Variants in WNK2 observed in about 807,000 individuals in gnomAD.
WNK2 encodes the protein WNK lysine deficient protein kinase 2.
In WNK2, 67 loss-of-function variants were observed where a neutral mutation model predicts 192.1. That is an observed-to-expected ratio of 0.35 (90% CI 0.29 to 0.43). The LOEUF (loss-of-function observed/expected upper bound fraction) is 0.43, where lower values mean the gene tolerates loss of function less well. Ranked by LOEUF, WNK2 falls within the 20% of genes least tolerant of loss-of-function variation. The pLI is 1.00. For missense variants in WNK2, 2,698 were observed against 3,089.7 expected, an observed-to-expected ratio of 0.87 and a Z score of 3.01; for synonymous variants, 1,439 against 1,393.9, an observed-to-expected ratio of 1.03 and a Z score of -0.72.
intron 23 of WNK2, 145 bp from the exon 24 acceptor site, chr9:93,297,708 G>A (rs574358716): frequency 1.6e-4 from 120 of 766,820 alleles, no homozygotes; most frequent in Non-Finnish European, 2.3e-4. Context: ...CCTGTGTGCC[G>A]CTTTAGAGTG....
intron 19 of WNK2, among the ~76,000 whole-genome samples, chr9:93,286,802 T>G (rs2133743108): frequency 6.6e-6 from 1 of 152,334 alleles, no homozygotes; most frequent in Admixed American, 6.5e-5. Context: ...ATGTGATATG[T>G]TTGCACAGTG....
At chr9:93,295,956 T>C (rs1368140068) in intron 23 of WNK2, among the ~76,000 whole-genome samples, 1 of 123,770 alleles carries the variant, frequency 8.1e-6, no homozygotes, top group Non-Finnish European at 1.7e-5. Flanking sequence ...CTCACTTTCC[T>C]CCTCTCTCCA....
At position 93,302,911 on chromosome 9, in the gene WNK2, C is replaced by T. The variant is rs374014714; in HGVS notation, c.6214+2762C>T. On this transcript the variant is annotated intron_variant, in intron 26 of 29. Transcript: ENST00000427277. ...TGGGGAGCTCACATGACCCAGTGCC[C>T]CAGAGCAGTCTCCCTTTTTTTTTTT... Among the ~76,000 whole-genome samples the T allele has an allele frequency of 3.0e-4, 42 of 138,932 alleles. No individual in the cohort carries two copies. In the East Asian group the frequency reaches 3.4e-3, roughly 11 times the overall value. The allele number at this position is 138,932 out of a possible 152,430, so 91.1% of individuals were successfully genotyped here.
chr9:93,215,390 G>A (rs752292224), intron 2 of WNK2, among the ~76,000 whole-genome samples: 112 of 152,222 alleles, frequency 7.4e-4, no homozygotes, highest in Non-Finnish European at 9.6e-4. Flanking sequence ...GATTACAGGC[G>A]CATGAGCCAC....
At chr9:93,188,230 C>T (rs1829702768) in intron 2 of WNK2, among the ~76,000 whole-genome samples, 1 of 152,198 alleles carries the variant, frequency 6.6e-6, no homozygotes, top group African/African-American at 2.4e-5. Context: ...CCTTTCTGCC[C>T]TCCACAGGCT....
At position 93,252,653 on chromosome 9, in the gene WNK2, C is replaced by T. The variant is rs72743426; in HGVS notation, c.1835-230C>T. On this transcript the variant is annotated intron_variant, in intron 8 of 29. Transcript: ENST00000427277. ...TGTGGGAGGATTGGCACGATGTACCCGCCCTGACATCATGCTGGCCAGACA... is the reference window on the plus strand; with the variant it reads ...TGTGGGAGGATTGGCACGATGTACCTGCCCTGACATCATGCTGGCCAGACA... 8.8e-3 allele frequency among the ~76,000 whole-genome samples: 1,340 copies of T among 152,300 alleles called. 19 individuals are homozygous for T. The highest frequency in any genetic ancestry group is 0.013 in the Non-Finnish European group (882 of 68,030).
intron 9 of WNK2, among the ~76,000 whole-genome samples, chr9:93,253,358 A>G (rs1842857256): frequency 6.6e-6 from 1 of 151,532 alleles, no homozygotes; most frequent in Non-Finnish European, 1.5e-5. Flanking sequence ...AAGACACCCT[A>G]TTGGAAAACA....
At chr9:93,280,728 T>C (rs891618221) in intron 19 of WNK2, among the ~76,000 whole-genome samples, 2 of 152,214 alleles carry the variant, frequency 1.3e-5, no homozygotes, top group African/African-American at 4.8e-5. Context: ...TCTTCAGCAC[T>C]GTGAGGACAG....
chr9:93,255,148 A>G (rs1231146320), intron 9 of WNK2, among the ~76,000 whole-genome samples: 1 of 152,200 alleles, frequency 6.6e-6, no homozygotes, highest in Non-Finnish European at 1.5e-5. Flanking sequence ...CAACTTACTC[A>G]AAAAGGATGA....
chr9:93,261,907 C>G lies in WNK2; in HGVS notation c.3160C>G (p.Leu1054Val), dbSNP rs775192714. 2 of 1,606,734 alleles carry G rather than the reference C, an allele frequency of 1.2e-6. No individual in the cohort carries two copies. The highest frequency in any genetic ancestry group is 1.3e-5 in the African/African-American group (1 of 75,064). The change falls in exon 13 of 30, where the codon CTG becomes GTG. Residue 1054 changes from leucine (L) to valine (V), a missense_variant. This residue lies in a region of WNK2 where 893 missense variants were observed against 909.0 expected (regional missense o/e 0.98). Transcript: ENST00000427277. The stretch of plus-strand genomic sequence containing the variant: ...ACCGGCTGCGGTCCTCTCGCCGCCT[C>G]TGCCGGAAGTGCTGCTGCCTGCCGC... ...VPPAAVLSPP[L>V]PEVLLPAAPE... is the part of the protein sequence containing the mutation.
intron 2 of WNK2, among the ~76,000 whole-genome samples, chr9:93,211,750 TTCAC>T (rs1282871437): frequency 4.0e-5 from 6 of 151,824 alleles, no homozygotes; most frequent in East Asian, 3.9e-4. Flanking sequence ...CACTCATACA[TTCAC>T]TCACTCACTC....
At chr9:93,202,139 G>A (rs978551822) in intron 2 of WNK2, among the ~76,000 whole-genome samples, 3 of 152,224 alleles carry the variant, frequency 2.0e-5, no homozygotes, top group African/African-American at 7.2e-5. Flanking sequence ...GAGGTTTGGT[G>A]TGGGACCCTG....
At chr9:93,285,776 A>G (rs1848362957) in intron 19 of WNK2, among the ~76,000 whole-genome samples, 1 of 152,236 alleles carries the variant, frequency 6.6e-6, no homozygotes, top group Non-Finnish European at 1.5e-5. Flanking sequence ...ATTCTCCCAG[A>G]TGTTGTGACT....
intron 5 of WNK2, among the ~76,000 whole-genome samples, chr9:93,237,932 G>A (rs1317479822): frequency 6.6e-6 from 1 of 151,668 alleles, no homozygotes; most frequent in African/African-American, 2.4e-5. Flanking sequence ...CCTGAACTCA[G>A]CTCTACCCCT....
intron 23 of WNK2, 70 bp from the exon 24 acceptor site, chr9:93,297,783 C>T: frequency 6.7e-7 from 1 of 1,486,440 alleles, no homozygotes; most frequent in East Asian, 2.5e-5. Flanking sequence ...CCACCTCCCT[C>T]CTGGAGGAGC....
chr9:93,244,015 T>C (rs1841239704), intron 7 of WNK2, among the ~76,000 whole-genome samples: 1 of 152,216 alleles, frequency 6.6e-6, no homozygotes, highest in Non-Finnish European at 1.5e-5. Context: ...GAGGATTGCT[T>C]GAGCTTAGGA....
chr9:93,211,318 C>A (rs57332220), intron 2 of WNK2, among the ~76,000 whole-genome samples: 1 of 145,984 alleles, frequency 6.9e-6, no homozygotes, highest in African/African-American at 2.6e-5. Flanking sequence ...ACTCACTCAT[C>A]CACTCAGTCA....
chr9:93,309,038 G>A (rs1853157427), intron 28 of WNK2: 8 of 996,370 alleles, frequency 8.0e-6, no homozygotes, highest in Middle Eastern at 5.1e-4. Flanking sequence ...AATGTGGGGC[G>A]GAAGTGAGGA....
chr9:93,256,486 C>G, intron 10 of WNK2, 32 bp downstream of exon 10: 1 of 1,492,816 alleles, frequency 6.7e-7, no homozygotes, highest in Non-Finnish European at 8.9e-7. Context: ...GCCACTGTCC[C>G]TCCAGGCAGG....
Sources: allele counts gnomAD v4.1 joint callset (sites outside exome capture counted in the v4.1 genomes callset), GRCh38; gene constraint gnomAD v4.1.1; regional missense constraint gnomAD v4.1.1; transcripts MANE v1.5; gene names NCBI Gene and HGNC (gene_info 2026-07-23, HGNC 2026-07-21).